Variants in ARMC2 observed in about 807,000 individuals in gnomAD.
ARMC2 encodes the protein armadillo repeat-containing protein 2.
ARMC2 carries 67 observed loss-of-function variants against 90.3 expected under a neutral mutation model. The ratio of observed to expected loss-of-function variants is 0.74; its 90% CI spans 0.61 to 0.91. The LOEUF is 0.91. ARMC2 is among the 40% of genes least tolerant of loss of function. ARMC2 has a pLI of 0.00. For synonymous variants in ARMC2, 393 were observed against 393.0 expected (o/e 1.00, Z 0.00); for missense variants, 920 against 1,030.9 (o/e 0.89, Z 1.47).
At chr6:108,856,252 GTTTGTTTTTGTT>G (rs927610562) in intron 2 of ARMC2, 1 of 150,324 alleles carries the variant, frequency 6.7e-6, no homozygotes, top group Non-Finnish European at 1.5e-5. Flanking sequence ...TTTGTTTTTT[GTTTGTTTTTGTT>G]TTTGTTTTTG....
intron 6 of ARMC2, 53 bp downstream of exon 6, chr6:108,894,596 T>C: frequency 6.8e-7 from 1 of 1,479,842 alleles, no homozygotes. Flanking sequence ...GAAGGAAAGA[T>C]GTTTGCACTG....
chr6:108,984,674 T>C, the ARMC2 span, among the ~76,000 whole-genome samples: 2 of 152,200 alleles, frequency 1.3e-5, no homozygotes, highest in African/African-American at 2.4e-5. Context: ...TTTGATCCTA[T>C]TGTAAATGGA....
At position 108,894,551 on chromosome 6, in the gene ARMC2, G is replaced by A; in HGVS notation, c.748+8G>A. ...GGCTGCAAACCAAAGCAGGTGAGGGGTCCCCACACTCCTTCATCTACAGCA... is the reference window on the plus strand; with the variant it reads ...GGCTGCAAACCAAAGCAGGTGAGGGATCCCCACACTCCTTCATCTACAGCA... On this transcript the variant is annotated splice_region_variant and intron_variant, in intron 6 of 17. Coordinates refer to ENST00000392644, the MANE Select transcript of ARMC2 (RefSeq NM_032131.6). 1 of 1,592,674 alleles carries A rather than the reference G, an allele frequency of 6.3e-7. No individual in the cohort carries two copies. The highest frequency in any genetic ancestry group is 8.5e-7 in the Non-Finnish European group (1 of 1,171,854).
In ARMC2 at chr6:108,853,255, GTTGTT is replaced by G. The variant is rs200074845; in HGVS notation, c.-43-969_-43-965del. Among the ~76,000 whole-genome samples the G allele has an allele frequency of 2.2e-3, 329 of 152,246 alleles. 3 individuals are homozygous for G. Among genetic ancestry groups the G allele is most frequent in the East Asian group, 7.7e-3 (40 of 5,184 alleles). ...AAGGAAACAAATGTTCTTATTGTCT[GTTGTT>G]ATGTAACAATGTTTAGAATCATAAT... On this transcript the variant is annotated intron_variant, in intron 1 of 17. Coordinates refer to ENST00000392644, the MANE Select transcript of ARMC2 (RefSeq NM_032131.6).
intron 4 of ARMC2, among the ~76,000 whole-genome samples, chr6:108,875,437 T>A (rs888569550): frequency 2.0e-5 from 3 of 152,072 alleles, no homozygotes; most frequent in Non-Finnish European, 2.9e-5. Context: ...CAGTGGGTGC[T>A]GAAGAGTCCC....
intron 3 of ARMC2, among the ~76,000 whole-genome samples, chr6:108,862,792 G>T (rs1775410632): frequency 6.6e-6 from 1 of 152,152 alleles, no homozygotes; most frequent in African/African-American, 2.4e-5. Flanking sequence ...AGTGCTTTTT[G>T]GATCTAGGAC....
At chr6:108,859,351 G>A (rs2128419587) in intron 3 of ARMC2, among the ~76,000 whole-genome samples, 1 of 152,068 alleles carries the variant, frequency 6.6e-6, no homozygotes, top group Middle Eastern at 3.4e-3. Flanking sequence ...GCTTTTTCGT[G>A]GTTCTTATGT....
At chr6:108,941,172 A>G (rs1776405724) in intron 12 of ARMC2, among the ~76,000 whole-genome samples, 1 of 152,228 alleles carries the variant, frequency 6.6e-6, no homozygotes, top group East Asian at 1.9e-4. Flanking sequence ...AGAAGAGCCT[A>G]AGGGGCTCTG....
the ARMC2 span, chr6:108,993,000 G>A: frequency 9.9e-6 from 7 of 704,294 alleles, no homozygotes; most frequent in African/African-American, 9.0e-5. Flanking sequence ...CTCTGATACT[G>A]AGTGACCAAT....
At chr6:108,852,584 A>G (rs1281364053) in intron 1 of ARMC2, among the ~76,000 whole-genome samples, 1 of 152,182 alleles carries the variant, frequency 6.6e-6, no homozygotes, top group Admixed American at 6.5e-5. Context: ...TATAGTTTTT[A>G]ATGCAAACTC....
At chr6:108,984,314 T>C in the ARMC2 span, among the ~76,000 whole-genome samples, 1 of 152,142 alleles carries the variant, frequency 6.6e-6, no homozygotes, top group African/African-American at 2.4e-5. Flanking sequence ...CTGGGTAATT[T>C]ATAGATAACA....
rs1338472637 is a variant in ARMC2 at position 108,854,134 on chromosome 6, G to T, written c.-43-91G>T. 7.8e-6 allele frequency: 5 copies of T among 641,526 alleles called. No homozygotes were observed. In the East Asian group the frequency reaches 8.6e-5, roughly 11 times the overall value. 39.7% of individuals were successfully genotyped at this position (641,526 alleles called of 1,614,324 possible). On this transcript the variant is annotated intron_variant, in intron 1 of 17. Transcript: ENST00000392644. The stretch of plus-strand genomic sequence containing the variant: ...TGGATTTTTAAAAGCTTAATATAGA[G>T]GAATGATTTAGTATATGGATGGGCT...
intron 7 of ARMC2, among the ~76,000 whole-genome samples, chr6:108,902,653 A>G (rs1192858093): frequency 6.6e-6 from 1 of 152,254 alleles, no homozygotes; most frequent in Non-Finnish European, 1.5e-5. Context: ...CTTAGATGTT[A>G]TTGTTGAAAA....
At chr6:108,910,529 A>G (rs1008228901) in intron 8 of ARMC2, among the ~76,000 whole-genome samples, 14 of 152,226 alleles carry the variant, frequency 9.2e-5, no homozygotes, top group African/African-American at 3.1e-4. Flanking sequence ...AGGTTCCTCA[A>G]AAAACTAAAA....
the ARMC2 span, among the ~76,000 whole-genome samples, chr6:108,993,620 T>C: frequency 6.6e-6 from 1 of 152,202 alleles, no homozygotes; most frequent in South Asian, 2.1e-4. Flanking sequence ...ATAAACTTTT[T>C]CTCCTTTAAA....
chr6:108,849,079 A>G (rs955387636), intron 1 of ARMC2, among the ~76,000 whole-genome samples: 3 of 152,202 alleles, frequency 2.0e-5, no homozygotes, highest in African/African-American at 4.8e-5. Context: ...CATACAGTTT[A>G]TATCTGGGCA....
chr6:108,968,303 G>T (rs1165571144), intron 17 of ARMC2, among the ~76,000 whole-genome samples: 1 of 152,178 alleles, frequency 6.6e-6, no homozygotes, highest in Non-Finnish European at 1.5e-5. Flanking sequence ...TGTAGCAAAG[G>T]CAGGAATTCC....
chr6:109,015,776 A>G, the ARMC2 span, among the ~76,000 whole-genome samples: 2 of 152,212 alleles, frequency 1.3e-5, no homozygotes, highest in Non-Finnish European at 2.9e-5. Context: ...AAAAAAGGCA[A>G]CAAAAGATAC....
chr6:108,927,533 T>A (rs1775198133), intron 10 of ARMC2, among the ~76,000 whole-genome samples: 1 of 149,814 alleles, frequency 6.7e-6, no homozygotes, highest in Non-Finnish European at 1.5e-5. Flanking sequence ...GAAGGTAAAG[T>A]AGATAGCTTT....
Sources: allele counts gnomAD v4.1 joint callset (sites outside exome capture counted in the v4.1 genomes callset), GRCh38; gene constraint gnomAD v4.1.1; transcripts MANE v1.5; gene names NCBI Gene and HGNC (gene_info 2026-07-23, HGNC 2026-07-21).